Variants in GPC6 observed in about 807,000 individuals in gnomAD.
GPC6 encodes the protein glypican-6.
In GPC6, 14 loss-of-function variants were observed where a neutral mutation model predicts 55.2. The observed-to-expected ratio is 0.25, with a 90% confidence interval of 0.17 to 0.40. GPC6 has a LOEUF of 0.40. Ranked by LOEUF, GPC6 falls within the 10% of genes least tolerant of loss-of-function variation. The pLI, the probability that GPC6 is intolerant of heterozygous loss-of-function variation, is 1.00. For synonymous variants in GPC6, 278 were observed against 259.6 expected, an observed-to-expected ratio of 1.07 and a Z score of -0.68; for missense variants, 641 against 708.5, an observed-to-expected ratio of 0.90 and a Z score of 1.08.
chr13:94,116,311 C>G (rs775829072), intron 4 of GPC6, among the ~76,000 whole-genome samples: 2 of 151,828 alleles, frequency 1.3e-5, no homozygotes, highest in African/African-American at 4.8e-5. Context: ...ATTGGTGTTA[C>G]GGTGGTGAAC....
chr13:94,069,907 C>G (rs1884664473), intron 4 of GPC6, among the ~76,000 whole-genome samples: 1 of 152,232 alleles, frequency 6.6e-6, no homozygotes, highest in South Asian at 2.1e-4. Flanking sequence ...TCTTCTCAGC[C>G]CTCCAAACTG....
At chr13:93,827,989 A>C (rs930332084) in intron 2 of GPC6, among the ~76,000 whole-genome samples, 9 of 151,654 alleles carry the variant, frequency 5.9e-5, no homozygotes, top group Non-Finnish European at 1.5e-5. Context: ...TTTGGAAAGC[A>C]ATGAGTATCA....
At chr13:93,687,806 G>A (rs905390725) in intron 2 of GPC6, among the ~76,000 whole-genome samples, 1 of 136,410 alleles carries the variant, frequency 7.3e-6, no homozygotes, top group African/African-American at 2.7e-5. Flanking sequence ...GCATTGTCTG[G>A]GCTCCTAGAG....
chr13:93,813,539 T>A (rs1886762045), intron 2 of GPC6, among the ~76,000 whole-genome samples: 1 of 152,162 alleles, frequency 6.6e-6, no homozygotes, highest in Admixed American at 6.6e-5. Context: ...AAAGATACAA[T>A]TGATTATAAT....
At chr13:93,445,455 C>T (rs1381906154) in intron 1 of GPC6, among the ~76,000 whole-genome samples, 1 of 152,156 alleles carries the variant, frequency 6.6e-6, no homozygotes, top group African/African-American at 2.4e-5. Flanking sequence ...ACATCTAACT[C>T]AGTTCTGATG....
At chr13:93,835,769 A>C (rs952172725) in intron 3 of GPC6, among the ~76,000 whole-genome samples, 6 of 152,114 alleles carry the variant, frequency 3.9e-5, no homozygotes, top group Non-Finnish European at 1.5e-5. Context: ...TAAATAAATA[A>C]ATAAATTTAA....
intron 3 of GPC6, among the ~76,000 whole-genome samples, chr13:93,894,927 G>T (rs920290099): frequency 6.6e-6 from 1 of 151,784 alleles, no homozygotes; most frequent in African/African-American, 2.4e-5. Flanking sequence ...TCTGAAATAC[G>T]TATTTCTCAA....
chr13:93,779,716 T>C (rs1182568014), intron 2 of GPC6, among the ~76,000 whole-genome samples: 1 of 152,208 alleles, frequency 6.6e-6, no homozygotes, highest in East Asian at 1.9e-4. Context: ...ATGGGCCAGT[T>C]CTTTGTTCTT....
intron 7 of GPC6, among the ~76,000 whole-genome samples, chr13:94,395,534 A>G (rs1880857496): frequency 6.6e-6 from 1 of 152,196 alleles, no homozygotes; most frequent in Non-Finnish European, 1.5e-5. Flanking sequence ...ATTCATACAC[A>G]AACACATCAA....
At chr13:93,554,745 C>T (rs1369077224) in intron 2 of GPC6, among the ~76,000 whole-genome samples, 1 of 152,144 alleles carries the variant, frequency 6.6e-6, no homozygotes, top group East Asian at 1.9e-4. Flanking sequence ...TCCAAGCATT[C>T]CCTTAGACAA....
At chr13:93,696,939 A>T (rs1882479970) in intron 2 of GPC6, among the ~76,000 whole-genome samples, 1 of 152,032 alleles carries the variant, frequency 6.6e-6, no homozygotes, top group African/African-American at 2.4e-5. Context: ...CGTAACTTTA[A>T]ATGATATTTT....
chr13:94,237,715 T>A (rs1489934421), intron 4 of GPC6, among the ~76,000 whole-genome samples: 1 of 151,904 alleles, frequency 6.6e-6, no homozygotes, highest in Non-Finnish European at 1.5e-5. Context: ...AAAAGGAGAT[T>A]GTGAATAAAA....
chr13:93,489,416 C>G (rs1879865066), intron 1 of GPC6, among the ~76,000 whole-genome samples: 1 of 151,278 alleles, frequency 6.6e-6, no homozygotes, highest in South Asian at 2.1e-4. Flanking sequence ...ATGCCTCCAG[C>G]TTTGTTCTTT....
At chr13:94,282,400 C>T (rs531066678) in intron 4 of GPC6, among the ~76,000 whole-genome samples, 27 of 152,278 alleles carry the variant, frequency 1.8e-4, no homozygotes, top group Non-Finnish European at 3.4e-4. Flanking sequence ...AGAACTCACT[C>T]ACTGTCATGA....
intron 4 of GPC6, among the ~76,000 whole-genome samples, chr13:94,089,571 T>C (rs964094414): frequency 6.6e-6 from 1 of 152,176 alleles, no homozygotes; most frequent in Admixed American, 6.5e-5. Context: ...CACAGCTTTC[T>C]TGAGCTTAGG....
intron 3 of GPC6, among the ~76,000 whole-genome samples, chr13:93,969,333 G>A (rs1436996826): frequency 6.6e-6 from 1 of 152,178 alleles, no homozygotes; most frequent in Non-Finnish European, 1.5e-5. Flanking sequence ...AGAGCCACTA[G>A]AAGAGACCCT....
intron 1 of GPC6, among the ~76,000 whole-genome samples, chr13:93,307,782 C>T (rs1243582570): frequency 6.6e-6 from 1 of 151,950 alleles, no homozygotes; most frequent in Non-Finnish European, 1.5e-5. Context: ...ACTATGGTGA[C>T]TATGTTAATA....
At chr13:94,245,394 T>C (rs1235557256) in intron 4 of GPC6, among the ~76,000 whole-genome samples, 1 of 151,094 alleles carries the variant, frequency 6.6e-6, no homozygotes, top group Non-Finnish European at 1.5e-5. Flanking sequence ...CTCCACTCTA[T>C]ATAAAATAAA....
At chr13:94,138,640 C>T (rs1175003161) in intron 4 of GPC6, among the ~76,000 whole-genome samples, 2 of 152,136 alleles carry the variant, frequency 1.3e-5, no homozygotes, top group Non-Finnish European at 2.9e-5. Context: ...AGCTCATCTG[C>T]CATTTTTACG....
Sources: allele counts gnomAD v4.1 joint callset (sites outside exome capture counted in the v4.1 genomes callset), GRCh38; gene constraint gnomAD v4.1.1; transcripts MANE v1.5; gene names NCBI Gene and HGNC (gene_info 2026-07-23, HGNC 2026-07-21).